The following PLA2G6 variants were observed in gnomAD, a reference collection of about 807,000 sequenced individuals.
PLA2G6 encodes phospholipase A2 group VI.
PLA2G6 carries 62 observed loss-of-function variants against 83.8 expected under a neutral mutation model. The observed-to-expected ratio is 0.74, with a 90% CI of 0.60 to 0.91. The LOEUF is 0.91. PLA2G6 is among the 40% of genes least tolerant of loss of function. The pLI, the probability that PLA2G6 is intolerant of heterozygous loss-of-function variation, is 0.00. For synonymous variants in PLA2G6, 417 were observed against 449.8 expected (o/e 0.93, Z 0.92); for missense variants, 944 against 1,102.0 (o/e 0.86, Z 2.03).
chr22:38,141,889 TA>T (rs2088928517), intron 4 of PLA2G6: 1 of 151,822 alleles, frequency 6.6e-6, no homozygotes, highest in Non-Finnish European at 1.5e-5. Flanking sequence ...GCAAGAAGCA[TA>T]AGATATGAAT....
chr22:38,114,506 C>T (rs1602061163), intron 14 of PLA2G6, among the ~76,000 whole-genome samples: 1 of 152,166 alleles, frequency 6.6e-6, no homozygotes, highest in South Asian at 2.1e-4. Flanking sequence ...TATTTGCTTC[C>T]GAACAAGCTC....
intron 1 of PLA2G6, among the ~76,000 whole-genome samples, chr22:38,170,971 G>C (rs569279280): frequency 1.3e-5 from 2 of 152,230 alleles, no homozygotes; most frequent in South Asian, 4.1e-4. Context: ...AGGAGTTTGA[G>C]ACCAGCCTGA....
At chr22:38,116,615 G>A (rs1452534926) in intron 12 of PLA2G6, among the ~76,000 whole-genome samples, 2 of 152,098 alleles carry the variant, frequency 1.3e-5, no homozygotes, top group Non-Finnish European at 2.9e-5. Context: ...AGCACTTTGG[G>A]AGGCCGAGGC....
intron 6 of PLA2G6, 175 bp from the exon 7 acceptor site, chr22:38,133,188 C>G: frequency 3.2e-6 from 2 of 630,010 alleles, no homozygotes; most frequent in Admixed American, 2.7e-5. Context: ...TAGACTGCCT[C>G]CCATCCCATC....
chr22:38,114,507 G>A (rs1249336914), intron 14 of PLA2G6, among the ~76,000 whole-genome samples: 2 of 152,132 alleles, frequency 1.3e-5, no homozygotes, highest in East Asian at 1.9e-4. Context: ...ATTTGCTTCC[G>A]AACAAGCTCT....
chr22:38,176,314 G>A lies in PLA2G6; in HGVS notation c.-46+5350C>T, dbSNP rs369155056. ...GAGCAGAGGAGCCGGACAGCTGCCC[G>A]AGAGGTGCGTGACAGGAACCCACAG... On this transcript the variant is annotated intron_variant, in intron 1 of 16. Transcript: ENST00000332509. 2.2e-3 allele frequency among the ~76,000 whole-genome samples: 333 copies of A among 152,272 alleles called. 1 individual carries two copies. Among genetic ancestry groups the A allele is most frequent in the African/African-American group, 7.0e-3 (291 of 41,562 alleles).
In PLA2G6 at chr22:38,134,969, C is replaced by CCCCAA; in HGVS notation, c.894+18_894+19insTTGGG. 2.1e-6 allele frequency: 3 copies of CCCCAA among 1,415,004 alleles called. No homozygotes were observed. The highest frequency in any genetic ancestry group is 3.0e-6 in the Non-Finnish European group (3 of 1,001,080). The allele number at this position is 1,415,004 out of a possible 1,614,324, so 87.7% of individuals were successfully genotyped here. On this transcript the variant is annotated intron_variant, in intron 6 of 16. Transcript: ENST00000332509. ...GGCCCGGCCCCCTGCCCCACCCACC[C>CCCCAA]ACCTCAGGATCCACTCACCTCTGCG...
At position 38,132,883 on chromosome 22, in the gene PLA2G6, T is replaced by G; in HGVS notation, c.1025A>C (p.Asn342Thr). The G allele has an allele frequency of 6.4e-7, 1 of 1,554,212 alleles. No individual in the cohort carries two copies. The highest frequency in any genetic ancestry group is 8.7e-7 in the Non-Finnish European group (1 of 1,149,656). ...GCCGTGCTCTCCGCGGGCATCCGCG[T>G]TGGCCCCGTGGGTCAGCAGCACTAT... ...CAIVLLTHGA[N>T]ADARGEHGNT... The change falls in exon 7 of 17, where the codon AAC (asparagine) becomes ACC (threonine). Residue 342 changes from asparagine (N) to threonine (T), a missense_variant. By Grantham distance (65) the Asn-to-Thr change is moderately conservative. Transcript: ENST00000332509. This position sits in a 1 kb window ranked among gnomAD's most constrained non-coding sequence, Gnocchi z 5.0.
At chr22:38,145,784 A>AACAC (rs132936) in intron 2 of PLA2G6, 131 bp from the exon 3 acceptor site, 28,562 of 477,086 alleles carry the variant, frequency 0.06, 442 homozygotes, top group Admixed American at 0.092. Context: ...CTCCCAAGCA[A>AACAC]ACACACACAC....
At position 38,123,117 on chromosome 22, in the gene PLA2G6, G is replaced by T; in HGVS notation, c.1569C>A (p.Ile523=). ...CACTGTGCAGAATGGCCAGGGCCAGGATGCCTCCAGTGCTGGTGCCCGCCA... is the reference window on the plus strand; with the variant it reads ...CACTGTGCAGAATGGCCAGGGCCAGTATGCCTCCAGTGCTGGTGCCCGCCA... ...DWVAGTSTGG[I]LALAILHSKS... The change falls in exon 11 of 17, where the codon ATC becomes ATA. Residue 523 remains isoleucine, a synonymous_variant. Transcript: ENST00000332509. The surrounding 1 kb of genome is among the most constrained non-coding windows in gnomAD (Gnocchi z 4.1). 2 of 1,549,566 alleles carry T rather than the reference G, an allele frequency of 1.3e-6. No homozygotes were observed. Among genetic ancestry groups the T allele is most frequent in the Non-Finnish European group, 1.7e-6 (2 of 1,147,192 alleles).
At chr22:38,180,062 G>GT (rs2090784181) in intron 1 of PLA2G6, among the ~76,000 whole-genome samples, 1 of 151,598 alleles carries the variant, frequency 6.6e-6, no homozygotes, top group Non-Finnish European at 1.5e-5. Context: ...AGTGAAGTTT[G>GT]TAACACACTC....
chr22:38,136,727 T>TA (rs770774943), intron 5 of PLA2G6: 2 of 149,746 alleles, frequency 1.3e-5, no homozygotes, highest in Non-Finnish European at 3.0e-5. Context: ...ATAGGAACTA[T>TA]ATCTCAATAA....
intron 14 of PLA2G6, among the ~76,000 whole-genome samples, chr22:38,115,095 T>A (rs2087108979): frequency 6.6e-6 from 1 of 152,250 alleles, no homozygotes; most frequent in Non-Finnish European, 1.5e-5. Context: ...ATGGGTCCCC[T>A]GTTCCATGGA....
Position 38,116,851 on chromosome 22 carries a change from C to CAAAAAA in PLA2G6, c.1743-646_1743-641dup, listed in dbSNP as rs57712042. Among the ~76,000 whole-genome samples, 38 of 37,646 alleles carry CAAAAAA rather than the reference C, an allele frequency of 1.0e-3. 1 individual carries two copies. Among genetic ancestry groups the CAAAAAA allele is most frequent in the East Asian group, 2.1e-3 (2 of 972 alleles). The allele number at this position is 37,646 out of a possible 152,430, so 24.7% of individuals were successfully genotyped here. On this transcript the variant is annotated intron_variant, in intron 12 of 16. Transcript: ENST00000332509. ...GGGCGATAAGAGTGAAACTCCGTCT[C>CAAAAAA]AAAAAAAAAAAAAAAAAAAAAAAAA...
chr22:38,150,323 C>T (rs535013767), intron 2 of PLA2G6: 3 of 152,316 alleles, frequency 2.0e-5, no homozygotes, highest in African/African-American at 7.2e-5. Flanking sequence ...GGGACCCAGC[C>T]ATCATGCCTC....
chr22:38,162,208 CAAAAAAAAAAAAAAG>C lies in PLA2G6; in HGVS notation c.209+6995_209+7009del, dbSNP rs1442665456. On this transcript the variant is annotated intron_variant, in intron 2 of 16. Transcript: ENST00000332509. ...TGGGCAACAGAGCGAGACTCTGTGT[CAAAAAAAAAAAAAAG>C]AAAAAAAAAAAAAAAGAAAGTGAGA... 2.9e-3 allele frequency among the ~76,000 whole-genome samples: 216 copies of C among 74,562 alleles called. 1 individual carries two copies. The highest frequency in any genetic ancestry group is 0.01 in the African/African-American group (175 of 16,858). The allele number at this position is 74,562 out of a possible 152,430, so 48.9% of individuals were successfully genotyped here. A position where few individuals can be genotyped will look rare whatever the true frequency, so the allele number is the denominator to read the frequency against.
rs1267474777 is a variant in PLA2G6, at chr22:38,128,756, A to C, written c.1187-326T>G. 6.6e-6 allele frequency among the ~76,000 whole-genome samples: 1 copy of C among 152,234 alleles called. No individual in the cohort carries two copies. The highest frequency in any genetic ancestry group is 2.4e-5 in the African/African-American group (1 of 41,458). Reference sequence around the variant, plus strand: ...CATGGCCACATTCAGTGATTCTCAAAAATGCTAAGTGATAGTTCAGGGTTC... The same window carrying C: ...CATGGCCACATTCAGTGATTCTCAACAATGCTAAGTGATAGTTCAGGGTTC... On this transcript the variant is annotated intron_variant, in intron 8 of 16. Transcript: ENST00000332509. This position sits in a 1 kb window ranked among gnomAD's most constrained non-coding sequence, Gnocchi z 4.4.
chr22:38,134,372 T>G (rs1365894975), intron 6 of PLA2G6: 1 of 152,464 alleles, frequency 6.6e-6, no homozygotes, highest in Non-Finnish European at 1.5e-5. Flanking sequence ...CCATCCTGGC[T>G]AACACGGTGA....
At chr22:38,154,511 C>G (rs1035596205) in intron 2 of PLA2G6, among the ~76,000 whole-genome samples, 2 of 152,254 alleles carry the variant, frequency 1.3e-5, no homozygotes, top group African/African-American at 4.8e-5. Context: ...CCAAGTGGTA[C>G]CTTTACGAGT....
Sources: gnomAD v4.1 joint callset for allele counts (sites outside exome capture counted in the v4.1 genomes callset) on GRCh38, gnomAD v4.1.1 for gene constraint, Gnocchi (gnomAD v3.1) non-coding constraint, MANE v1.5 for transcripts, NCBI Gene and HGNC (gene_info 2026-07-23, HGNC 2026-07-21) for gene names.